LCMT1: variants seen among roughly 807,000 people sequenced by gnomAD.
LCMT1 encodes the protein [Phosphatase 2A protein]-leucine-carboxy methyltransferase 1.
A neutral mutation model predicts 47.7 loss-of-function variants in LCMT1; 32 were observed. The ratio of observed to expected loss-of-function variants is 0.67; its 90% CI spans 0.51 to 0.90. The LOEUF is 0.90. Among genes scored for constraint, LCMT1 ranks in the 40% least tolerant of loss-of-function variants. LCMT1 has a pLI of 0.00. For missense variants in LCMT1, 375 were observed against 415.2 expected, an observed-to-expected ratio of 0.90 and a Z score of 0.84; for synonymous variants, 152 against 149.7, an observed-to-expected ratio of 1.02 and a Z score of -0.11.
At chr16:25,177,731 C>A (rs1961989811) in intron 10 of LCMT1, among the ~76,000 whole-genome samples, 1 of 152,204 alleles carries the variant, frequency 6.6e-6, no homozygotes, top group South Asian at 2.1e-4. Context: ...GCTCAAAGTT[C>A]AGCACATAAA....
chr16:25,124,229 AAAC>A (rs1397467110), intron 1 of LCMT1, among the ~76,000 whole-genome samples: 1 of 152,228 alleles, frequency 6.6e-6, no homozygotes, highest in East Asian at 1.9e-4. Flanking sequence ...TTAAATTTTT[AAAC>A]AACATGTTTT....
intron 5 of LCMT1, among the ~76,000 whole-genome samples, chr16:25,152,537 A>T (rs1872012189): frequency 6.6e-6 from 1 of 152,228 alleles, no homozygotes; most frequent in South Asian, 2.1e-4. Flanking sequence ...TCTAATCTTC[A>T]GTCATTCTGT....
At chr16:25,117,953 G>A (rs961844284) in intron 1 of LCMT1, among the ~76,000 whole-genome samples, 32 of 152,162 alleles carry the variant, frequency 2.1e-4, no homozygotes, top group African/African-American at 7.7e-4. Context: ...TAAGTATTTA[G>A]GGGATGAGGG....
chr16:25,168,266 A>T (rs992440130), intron 7 of LCMT1, among the ~76,000 whole-genome samples: 2 of 151,502 alleles, frequency 1.3e-5, no homozygotes, highest in Non-Finnish European at 2.9e-5. Context: ...CCAGGCTGGT[A>T]TTGAATTCCT....
intron 5 of LCMT1, among the ~76,000 whole-genome samples, chr16:25,155,676 CT>C (rs35255738): frequency 2.5e-3 from 346 of 140,362 alleles, no homozygotes; most frequent in Middle Eastern, 3.7e-3. Context: ...TTCTTTCTTT[CT>C]TTTTTTTTTT....
intron 9 of LCMT1, among the ~76,000 whole-genome samples, chr16:25,173,868 A>G (rs939231448): frequency 3.3e-5 from 5 of 151,728 alleles, no homozygotes; most frequent in Non-Finnish European, 7.4e-5. Context: ...TTAAAACGCT[A>G]TTTCCATATG....
rs1960376108 is a variant in LCMT1 at position 25,132,427 on chromosome 16, C to T, written c.231C>T (p.Val77=). ...GATATTTTGCTCGAGTCCATGGTGT[C>T]AGTCAGCTTATAAAGGCATTTCTAC... The part of the protein sequence containing the change: ...NRGYFARVHG[V]SQLIKAFLRK... The change falls in exon 3 of 11, where the codon GTC becomes GTT. Residue 77 remains valine (V), a synonymous_variant. Coordinates refer to ENST00000399069, the MANE Select transcript of LCMT1 (RefSeq NM_016309.3). 1 of 1,613,756 alleles carries T rather than the reference C, an allele frequency of 6.2e-7. No individual in the cohort carries two copies. The highest frequency in any genetic ancestry group is 8.5e-7 in the Non-Finnish European group (1 of 1,179,842).
At chr16:25,164,785 C>A in intron 7 of LCMT1, 67 bp downstream of exon 7, 23 of 1,602,644 alleles carry the variant, frequency 1.4e-5, no homozygotes, top group Non-Finnish European at 2.0e-5. Flanking sequence ...TCTCCCAGCA[C>A]CCTTAGGATA....
At chr16:25,155,926 C>T (rs1232014671) in intron 5 of LCMT1, among the ~76,000 whole-genome samples, 1 of 152,208 alleles carries the variant, frequency 6.6e-6, no homozygotes, top group East Asian at 1.9e-4. Flanking sequence ...AAACAATCCT[C>T]CCGCCTCGAC....
At chr16:25,170,602 C>A in intron 8 of LCMT1, 112 bp from the exon 9 acceptor site, 1 of 830,768 alleles carries the variant, frequency 1.2e-6, no homozygotes, top group Non-Finnish European at 2.0e-6. Context: ...TGCACTTCAG[C>A]CTGGGCAACA....
rs1397139364 is a variant in LCMT1, at chr16:25,167,423, T to TC, written c.691-1687dup. The stretch of plus-strand genomic sequence containing the variant: ...GTCTTGAGCTCCCAGGTTCAAGTGA[T>TC]CCTCCCACCTTAGTCTCCCATTAGT... On this transcript the variant is annotated intron_variant, in intron 7 of 10. Coordinates refer to ENST00000399069, the MANE Select transcript of LCMT1 (RefSeq NM_016309.3). 2.6e-5 allele frequency among the ~76,000 whole-genome samples: 4 copies of TC among 151,888 alleles called. No individual in the cohort carries two copies. In the East Asian group the frequency reaches 7.7e-4, roughly 29 times the overall value.
chr16:25,112,520 G>T (rs948969950), intron 1 of LCMT1, among the ~76,000 whole-genome samples: 1 of 152,178 alleles, frequency 6.6e-6, no homozygotes, highest in Non-Finnish European at 1.5e-5. Flanking sequence ...TGGTGGGGAT[G>T]GGGGCGTAGC....
At chr16:25,169,295 A>G (rs748914152) in intron 8 of LCMT1, 82 bp downstream of exon 8, 21 of 909,298 alleles carry the variant, frequency 2.3e-5, no homozygotes, top group Non-Finnish European at 3.4e-5. Context: ...AGATGTGATC[A>G]TGGAGAAGCC....
At position 25,169,097 on chromosome 16, in the gene LCMT1, C is replaced by T. The variant is rs201715913; in HGVS notation, c.691-15C>T. Reference sequence around the variant, plus strand: ...AACCCTTAGAGTAATATCTTACCTTCTCTTTCCCTCCTAGGTGAACATGGG... The same window carrying T: ...AACCCTTAGAGTAATATCTTACCTTTTCTTTCCCTCCTAGGTGAACATGGG... On this transcript the variant is annotated splice_polypyrimidine_tract_variant and intron_variant, in intron 7 of 10. Transcript: ENST00000399069. 14 of 1,573,080 alleles carry T rather than the reference C, an allele frequency of 8.9e-6. No individual in the cohort carries two copies. Among genetic ancestry groups the T allele is most frequent in the Non-Finnish European group, 1.1e-5 (13 of 1,143,698 alleles).
intron 1 of LCMT1, among the ~76,000 whole-genome samples, chr16:25,112,477 T>C (rs1478175828): frequency 1.3e-5 from 2 of 152,230 alleles, no homozygotes. Context: ...GCAGAGCCAG[T>C]ACCGCACTAA....
At chr16:25,146,396 G>T (rs1280872838) in intron 4 of LCMT1, 1 of 152,390 alleles carries the variant, frequency 6.6e-6, no homozygotes, top group East Asian at 1.9e-4. Flanking sequence ...CCTGCCGGCT[G>T]TCCTGTTTTA....
At chr16:25,150,109 CT>C (rs1320078341) in intron 4 of LCMT1, among the ~76,000 whole-genome samples, 1 of 152,028 alleles carries the variant, frequency 6.6e-6, no homozygotes, top group Non-Finnish European at 1.5e-5. Context: ...GTGCTGAGAG[CT>C]TTCATAGCCT....
intron 1 of LCMT1, among the ~76,000 whole-genome samples, chr16:25,117,603 C>T (rs1013936616): frequency 6.6e-6 from 1 of 152,116 alleles, no homozygotes; most frequent in Non-Finnish European, 1.5e-5. Flanking sequence ...CCTGTAATCC[C>T]AGCACTTTCG....
intron 4 of LCMT1, chr16:25,144,084 G>A (rs1393743752): frequency 6.6e-6 from 1 of 152,246 alleles, no homozygotes. Flanking sequence ...CAGTCCCTCT[G>A]GTGGCCTTTG....
Sources: gnomAD v4.1 joint callset for allele counts (sites outside exome capture counted in the v4.1 genomes callset) on GRCh38, gnomAD v4.1.1 for gene constraint, MANE v1.5 for transcripts, NCBI Gene and HGNC (gene_info 2026-07-23, HGNC 2026-07-21) for gene names.